The following EHBP1 variants were observed in gnomAD, a reference collection of about 807,000 sequenced individuals.
EHBP1 encodes EH domain binding protein 1.
EHBP1 carries 55 observed loss-of-function variants against 144.0 expected under a neutral mutation model. The observed-to-expected ratio is 0.38, with a 90% CI of 0.31 to 0.48. The LOEUF (loss-of-function observed/expected upper bound fraction) is 0.48. Among genes scored for constraint, EHBP1 ranks in the 20% least tolerant of loss-of-function variants. EHBP1 has a pLI of 0.98. For missense variants in EHBP1, 1,200 were observed against 1,364.2 expected, an observed-to-expected ratio of 0.88 and a Z score of 1.90; for synonymous variants, 469 against 472.7, an observed-to-expected ratio of 0.99 and a Z score of 0.10.
chr2:62,754,701 C>T (rs938765146), intron 3 of EHBP1, among the ~76,000 whole-genome samples: 7 of 152,212 alleles, frequency 4.6e-5, no homozygotes, highest in Admixed American at 2.0e-4. Context: ...GTGCCCCTCC[C>T]GCAGCCTTGC....
intron 13 of EHBP1, among the ~76,000 whole-genome samples, chr2:62,949,829 T>C (rs2057284405): frequency 6.6e-6 from 1 of 152,168 alleles, no homozygotes; most frequent in Non-Finnish European, 1.5e-5. Context: ...TTACTGTTTT[T>C]ACTTGTATCT....
At chr2:62,895,832 GAAT>G (rs1209407232) in intron 10 of EHBP1, among the ~76,000 whole-genome samples, 2 of 152,174 alleles carry the variant, frequency 1.3e-5, no homozygotes, top group East Asian at 1.9e-4. Context: ...GAAAAAAGAA[GAAT>G]AAGAGTCAAG....
At chr2:62,978,241 G>T (rs1054879389) in intron 14 of EHBP1, among the ~76,000 whole-genome samples, 1 of 142,092 alleles carries the variant, frequency 7.0e-6, no homozygotes, top group Non-Finnish European at 1.5e-5. Flanking sequence ...TTGCTCTGTC[G>T]CCAGGCTGGA....
chr2:62,927,559 A>G (rs938411056), intron 10 of EHBP1, among the ~76,000 whole-genome samples: 19 of 152,222 alleles, frequency 1.2e-4, no homozygotes, highest in African/African-American at 4.6e-4. Flanking sequence ...ATACATCAAG[A>G]AGATATAACA....
chr2:62,860,383 C>T (rs1420815561), intron 8 of EHBP1, among the ~76,000 whole-genome samples: 2 of 151,932 alleles, frequency 1.3e-5, no homozygotes, highest in Admixed American at 6.6e-5. Context: ...CCCAGCTACT[C>T]GAGAGGCTGA....
chr2:62,903,251 A>G (rs151264203), intron 10 of EHBP1, among the ~76,000 whole-genome samples: 248 of 152,346 alleles, frequency 1.6e-3, no homozygotes, highest in Middle Eastern at 3.4e-3. Context: ...GGAACATTCT[A>G]GATATAAAAT....
chr2:63,003,812 A>G (rs895684746), intron 19 of EHBP1, among the ~76,000 whole-genome samples: 62 of 152,042 alleles, frequency 4.1e-4, no homozygotes, highest in Non-Finnish European at 7.8e-4. Flanking sequence ...CACCAGAGGG[A>G]GCTCAGTGTC....
chr2:62,794,807 T>C (rs1384164561), intron 5 of EHBP1, among the ~76,000 whole-genome samples: 1 of 152,068 alleles, frequency 6.6e-6, no homozygotes, highest in African/African-American at 2.4e-5. Context: ...TTCTAGTTTC[T>C]AAAAAGGTGG....
chr2:62,921,934 C>G (rs1289172013), intron 10 of EHBP1, among the ~76,000 whole-genome samples: 1 of 152,114 alleles, frequency 6.6e-6, no homozygotes, highest in Non-Finnish European at 1.5e-5. Flanking sequence ...GCCAGCACTT[C>G]GGGAGGCTGA....
chr2:62,721,303 C>T (rs1204674071), intron 2 of EHBP1, among the ~76,000 whole-genome samples: 1 of 152,136 alleles, frequency 6.6e-6, no homozygotes, highest in African/African-American at 2.4e-5. Flanking sequence ...GGTAAAGTGC[C>T]TCTAGCCCCT....
chr2:62,911,154 A>G (rs1348217559), intron 10 of EHBP1, among the ~76,000 whole-genome samples: 1 of 152,182 alleles, frequency 6.6e-6, no homozygotes, highest in Non-Finnish European at 1.5e-5. Context: ...TCTGCCTAGA[A>G]TCACACTACC....
chr2:63,045,390 C>T lies in EHBP1; in HGVS notation c.3393-20C>T, dbSNP rs757035883. On this transcript the variant is annotated intron_variant, in intron 22 of 22. Transcript: ENST00000431489. The surrounding 1 kb of genome is among the most constrained non-coding windows in gnomAD (Gnocchi z 5.7). ...AAAAATAATTTTGTTTCCTGTTTGT[C>T]CTGTTTGTCTGACATCCAGGGCCGA... is the stretch of plus-strand genomic sequence containing the variant. The T allele has an allele frequency of 6.2e-7, 1 of 1,611,080 alleles. No homozygotes were observed.
At chr2:62,785,267 A>G (rs1437276841) in intron 5 of EHBP1, among the ~76,000 whole-genome samples, 2 of 152,206 alleles carry the variant, frequency 1.3e-5, no homozygotes. Context: ...CAGTTTAAAA[A>G]AGATATTTCT....
At chr2:62,929,892 T>C (rs2055848311) in intron 10 of EHBP1, among the ~76,000 whole-genome samples, 1 of 151,974 alleles carries the variant, frequency 6.6e-6, no homozygotes, top group African/African-American at 2.4e-5. Flanking sequence ...AACCAATCCG[T>C]TGTATTTCTA....
chr2:62,821,529 A>T (rs775968064), intron 5 of EHBP1, among the ~76,000 whole-genome samples: 42 of 151,980 alleles, frequency 2.8e-4, no homozygotes, highest in Non-Finnish European at 4.4e-5. Flanking sequence ...TTCAACAAAA[A>T]ATAAAAAGTG....
intron 7 of EHBP1, among the ~76,000 whole-genome samples, chr2:62,853,480 C>G (rs2048823877): frequency 6.6e-6 from 1 of 152,218 alleles, no homozygotes; most frequent in Non-Finnish European, 1.5e-5. Context: ...TCTGTGGTTA[C>G]TTCCTCCACT....
intron 10 of EHBP1, among the ~76,000 whole-genome samples, chr2:62,934,536 CAT>C (rs1424598291): frequency 6.6e-6 from 1 of 152,190 alleles, no homozygotes; most frequent in Non-Finnish European, 1.5e-5. Context: ...GGACAGGAAA[CAT>C]AGCATATTAG....
chr2:62,771,325 T>C lies in EHBP1; in HGVS notation c.259-14T>C. 1 of 1,586,714 alleles carries C rather than the reference T, an allele frequency of 6.3e-7. No homozygotes were observed. The highest frequency in any genetic ancestry group is 8.6e-7 in the Non-Finnish European group (1 of 1,164,584). On this transcript the variant is annotated splice_polypyrimidine_tract_variant and intron_variant, in intron 4 of 22. Coordinates refer to ENST00000431489, the MANE Select transcript of EHBP1 (RefSeq NM_001142616.3). ...TGTATTTCAATTCCATTTCATATTT[T>C]GCTTTTGTTACAGGATCCTCATGCG...
intron 19 of EHBP1, among the ~76,000 whole-genome samples, chr2:63,026,406 A>G (rs1387390219): frequency 3.3e-5 from 5 of 151,930 alleles, no homozygotes; most frequent in African/African-American, 1.2e-4. Flanking sequence ...TATTACTTAC[A>G]TAGCATTTAT....
Sources: gnomAD v4.1 joint callset for allele counts (sites outside exome capture counted in the v4.1 genomes callset) on GRCh38, gnomAD v4.1.1 for gene constraint, Gnocchi (gnomAD v3.1) non-coding constraint, MANE v1.5 for transcripts, NCBI Gene and HGNC (gene_info 2026-07-23, HGNC 2026-07-21) for gene names.